The following SPATA31H1 variants were observed in gnomAD, a reference collection of about 807,000 sequenced individuals.
The protein encoded by SPATA31H1 is SPATA31 subfamily H member 1, also known as spermatogenesis-associated protein 31H1.
chr2:27,554,069 T>C, the SPATA31H1 span, among the ~76,000 whole-genome samples: 9 of 152,116 alleles, frequency 5.9e-5, no homozygotes, highest in South Asian at 1.7e-3. Flanking sequence ...TTTCTAATAA[T>C]ATGTTCCTTA....
chr2:27,567,720 A>C, the SPATA31H1 span: 2 of 399,522 alleles, frequency 5.0e-6, no homozygotes, highest in East Asian at 7.1e-5. Context: ...GCTAGAGCTT[A>C]GTATAGAGGA....
the SPATA31H1 span, chr2:27,567,087 C>A: frequency 9.8e-6 from 7 of 716,546 alleles, no homozygotes; most frequent in South Asian, 7.4e-5. Flanking sequence ...TTCACCCTTA[C>A]AACCTCAGAG....
At chr2:27,566,242 T>C in the SPATA31H1 span, 1 of 711,964 alleles carries the variant, frequency 1.4e-6, no homozygotes, top group Non-Finnish European at 2.6e-6. Flanking sequence ...TCCTTACTGG[T>C]ACTTTAATGA....
At chr2:27,547,511 G>A in the SPATA31H1 span, among the ~76,000 whole-genome samples, 1 of 151,840 alleles carries the variant, frequency 6.6e-6, no homozygotes, top group Non-Finnish European at 1.5e-5. Context: ...AACTATTCTA[G>A]GTCATTGACA....
At chr2:27,556,795 G>A in the SPATA31H1 span, among the ~76,000 whole-genome samples, 3 of 125,682 alleles carry the variant, frequency 2.4e-5, no homozygotes, top group African/African-American at 9.3e-5. Flanking sequence ...TGGAGGGAAG[G>A]TCAGCAGATA....
chr2:27,537,512 G>C, the SPATA31H1 span: 27 of 717,220 alleles, frequency 3.8e-5, no homozygotes, highest in South Asian at 3.4e-4. Flanking sequence ...TGGCGGCTTT[G>C]GACACTGTTT....
the SPATA31H1 span, chr2:27,569,450 C>G: frequency 2.5e-6 from 1 of 398,882 alleles, no homozygotes; most frequent in Non-Finnish European, 4.4e-6. Flanking sequence ...TAGGACCAGG[C>G]ACTCAATATG....
At chr2:27,562,552 T>G in the SPATA31H1 span, among the ~76,000 whole-genome samples, 2 of 148,176 alleles carry the variant, frequency 1.3e-5, no homozygotes, top group Non-Finnish European at 3.0e-5. Flanking sequence ...TATGTGTCTA[T>G]ATACAGACAC....
At chr2:27,550,148 C>T in the SPATA31H1 span, among the ~76,000 whole-genome samples, 1 of 150,776 alleles carries the variant, frequency 6.6e-6, no homozygotes, top group African/African-American at 2.4e-5. Flanking sequence ...ATTCTTATAC[C>T]TTTTCTTTTT....
At chr2:27,581,239 G>T in the SPATA31H1 span, 31 of 1,614,134 alleles carry the variant, frequency 1.9e-5, no homozygotes, top group African/African-American at 2.7e-5. Context: ...CCTTCTGAGA[G>T]AACCCGTCAT....
the SPATA31H1 span, among the ~76,000 whole-genome samples, chr2:27,559,453 G>A: frequency 6.6e-6 from 1 of 152,034 alleles, no homozygotes; most frequent in African/African-American, 2.4e-5. Flanking sequence ...TAGGATCTTG[G>A]CTCTTCTGGT....
the SPATA31H1 span, among the ~76,000 whole-genome samples, chr2:27,560,911 T>C: frequency 9.2e-5 from 14 of 152,316 alleles, no homozygotes; most frequent in East Asian, 2.7e-3. Context: ...TTATGACTTC[T>C]CAGGGATTTC....
At chr2:27,563,078 C>T in the SPATA31H1 span, among the ~76,000 whole-genome samples, 1 of 151,596 alleles carries the variant, frequency 6.6e-6, no homozygotes, top group African/African-American at 2.4e-5. Flanking sequence ...ATTTTTATTG[C>T]TATTGTGAAG....
the SPATA31H1 span, chr2:27,580,231 G>C: frequency 8.1e-6 from 13 of 1,614,050 alleles, no homozygotes; most frequent in East Asian, 2.5e-4. Context: ...TTGCAGTCTG[G>C]GCCTTCCCAG....
chr2:27,577,520 A>C, the SPATA31H1 span: 1 of 1,614,136 alleles, frequency 6.2e-7, no homozygotes, highest in Non-Finnish European at 8.5e-7. The surrounding 1 kb of genome is among the most constrained non-coding windows in gnomAD (Gnocchi z 4.5). Context: ...CTCAAAACTT[A>C]GAATGTGTGG....
the SPATA31H1 span, chr2:27,581,682 GGTCCCTCTGAGAGAAGACATCACA>G: frequency 2.0e-6 from 3 of 1,534,744 alleles, no homozygotes; most frequent in Non-Finnish European, 2.6e-6. Flanking sequence ...GAGCCATCGT[GGTCCCTCTGAGAGAAGACATCACA>G]GTCCCTCTAA....
the SPATA31H1 span, among the ~76,000 whole-genome samples, chr2:27,547,813 C>A: frequency 1.3e-5 from 2 of 151,706 alleles, no homozygotes; most frequent in Admixed American, 1.3e-4. Flanking sequence ...CATGAATCTT[C>A]ATGGATCCAT....
At chr2:27,567,634 G>C in the SPATA31H1 span, 1 of 401,458 alleles carries the variant, frequency 2.5e-6, no homozygotes, top group Admixed American at 4.3e-5. Flanking sequence ...TCAATGGGCA[G>C]TCTACCTCCA....
At chr2:27,570,985 T>C in the SPATA31H1 span, 5 of 398,688 alleles carry the variant, frequency 1.3e-5, no homozygotes, top group East Asian at 1.8e-4. Context: ...TCTGAATTGA[T>C]ACAAAGACCA....
Sources: gnomAD v4.1 joint callset for allele counts (sites outside exome capture counted in the v4.1 genomes callset) on GRCh38, gnomAD v4.1.1 for gene constraint, Gnocchi (gnomAD v3.1) non-coding constraint, MANE v1.5 for transcripts, NCBI Gene and HGNC (gene_info 2026-07-23, HGNC 2026-07-21) for gene names.